NLGN1: variants seen among roughly 807,000 people sequenced by gnomAD.
NLGN1 encodes the protein neuroligin 1, also known as neuroligin-1.
Under a neutral mutation model 65.5 loss-of-function variants are expected in NLGN1, and 12 were observed. The observed-to-expected ratio is 0.18, with a 90% CI of 0.12 to 0.30. The LOEUF (loss-of-function observed/expected upper bound fraction) is 0.30. Ranked by LOEUF, NLGN1 falls within the 10% of genes least tolerant of loss-of-function variation. NLGN1 has a pLI of 1.00. For synonymous variants in NLGN1, 350 were observed against 359.5 expected (o/e 0.97, Z 0.30); for missense variants, 750 against 1,007.1 (o/e 0.74, Z 3.46).
chr3:173,502,665 C>A (rs533845654), intron 2 of NLGN1, among the ~76,000 whole-genome samples: 1 of 152,040 alleles, frequency 6.6e-6, no homozygotes, highest in African/African-American at 2.4e-5. Flanking sequence ...TTAGGTACTA[C>A]AAGACATGTA....
Position 173,697,749 on chromosome 3 carries a change from C to T in NLGN1, c.493+92658C>T, listed in dbSNP as rs181723915. ...GTCTCTGTGTTGGTCAGGCTGGTCT[C>T]GAACTCCTGACCTCAGGTGATCCAC... On this transcript the variant is annotated intron_variant, in intron 3 of 6. Coordinates refer to ENST00000457714, the Ensembl canonical transcript of NLGN1. Among the ~76,000 whole-genome samples, 46 of 152,162 alleles carry T rather than the reference C, an allele frequency of 3.0e-4. No homozygotes were observed. In the Middle Eastern group the frequency reaches 0.014, roughly 45 times the overall value.
intron 3 of NLGN1, 92 bp downstream of exon 2, chr3:173,605,183 T>C: frequency 2.9e-6 from 3 of 1,047,004 alleles, no homozygotes; most frequent in Non-Finnish European, 4.1e-6. Context: ...ACTGGTAGTA[T>C]GCATGGCTTT....
chr3:173,894,221 A>G (rs1427515514), intron 4 of NLGN1, among the ~76,000 whole-genome samples: 1 of 152,190 alleles, frequency 6.6e-6, no homozygotes, highest in Non-Finnish European at 1.5e-5. Flanking sequence ...AACATCATAT[A>G]GTTAGTGTAG....
chr3:174,037,241 C>G (rs1731337086), intron 4 of NLGN1, among the ~76,000 whole-genome samples: 1 of 152,168 alleles, frequency 6.6e-6, no homozygotes, highest in Non-Finnish European at 1.5e-5. Flanking sequence ...GTTCCTTTTC[C>G]TCTGCAACCT....
At chr3:173,464,361 A>G (rs1401933849) in intron 2 of NLGN1, among the ~76,000 whole-genome samples, 1 of 151,700 alleles carries the variant, frequency 6.6e-6, no homozygotes, top group Non-Finnish European at 1.5e-5. Context: ...AGTCTCTGCT[A>G]TTTCTTAATA....
chr3:173,606,643 C>G (rs545326042), intron 3 of NLGN1, among the ~76,000 whole-genome samples: 1 of 152,066 alleles, frequency 6.6e-6, no homozygotes, highest in Admixed American at 6.6e-5. Context: ...ATGGAAGACA[C>G]TTTATAAATA....
At chr3:173,471,751 A>G (rs1459009132) in intron 2 of NLGN1, among the ~76,000 whole-genome samples, 2 of 152,096 alleles carry the variant, frequency 1.3e-5, no homozygotes, top group East Asian at 1.9e-4. Flanking sequence ...TGTCCCTCCA[A>G]TGAAAATTGT....
intron 4 of NLGN1, among the ~76,000 whole-genome samples, chr3:173,966,970 G>GA (rs1302751444): frequency 1.3e-5 from 2 of 152,110 alleles, no homozygotes; most frequent in African/African-American, 2.4e-5. Flanking sequence ...CTAAAATCTG[G>GA]AAAAAATTCA....
intron 4 of NLGN1, among the ~76,000 whole-genome samples, chr3:173,973,550 G>T (rs777265528): frequency 1.6e-3 from 240 of 147,510 alleles, no homozygotes; most frequent in African/African-American, 5.6e-3. Context: ...AAATTATGTG[G>T]TTTTTTTTTT....
chr3:173,428,808 G>A (rs1716640203), intron 1 of NLGN1, among the ~76,000 whole-genome samples: 1 of 151,552 alleles, frequency 6.6e-6, no homozygotes, highest in Non-Finnish European at 1.5e-5. Context: ...ACTCCCTTTA[G>A]CATTTCTTAT....
chr3:174,106,568 C>A (rs1713861044), intron 4 of NLGN1, among the ~76,000 whole-genome samples: 1 of 151,826 alleles, frequency 6.6e-6, no homozygotes, highest in South Asian at 2.1e-4. Context: ...AATTATAGAT[C>A]TATATGCAAT....
chr3:173,798,584 G>T (rs1714690479), intron 3 of NLGN1, among the ~76,000 whole-genome samples: 1 of 152,032 alleles, frequency 6.6e-6, no homozygotes, highest in Non-Finnish European at 1.5e-5. Flanking sequence ...TTAAATAAAT[G>T]TACATTTCTG....
chr3:173,911,612 G>C (rs1316762483), intron 4 of NLGN1, among the ~76,000 whole-genome samples: 1 of 152,160 alleles, frequency 6.6e-6, no homozygotes, highest in Non-Finnish European at 1.5e-5. Flanking sequence ...ATTTATCATA[G>C]TGCAGTTGCG....
At chr3:173,431,886 A>G (rs1717238016) in intron 1 of NLGN1, among the ~76,000 whole-genome samples, 2 of 151,828 alleles carry the variant, frequency 1.3e-5, no homozygotes, top group Admixed American at 6.6e-5. Flanking sequence ...GCCTATTTAT[A>G]TCTTCCTCCC....
intron 2 of NLGN1, among the ~76,000 whole-genome samples, chr3:173,509,829 G>A (rs1159650693): frequency 1.3e-5 from 2 of 152,078 alleles, no homozygotes; most frequent in Non-Finnish European, 2.9e-5. Context: ...AATTTTAAAA[G>A]TATTATTGTA....
chr3:173,931,725 T>C (rs1392692409), intron 4 of NLGN1, among the ~76,000 whole-genome samples: 2 of 152,076 alleles, frequency 1.3e-5, no homozygotes, highest in Non-Finnish European at 2.9e-5. Flanking sequence ...CTAGAGAGTT[T>C]TGAGAGGAAA....
Position 173,563,854 on chromosome 3 carries a change from T to C in NLGN1, c.-320-40425T>C, listed in dbSNP as rs560891524. 7.2e-5 allele frequency among the ~76,000 whole-genome samples: 11 copies of C among 152,306 alleles called. No individual in the cohort carries two copies. The South Asian group carries it at 2.3e-3, about 32-fold the overall frequency. ...TCTTGCTCGTCTTCCTGTTTCCATC[T>C]TTGTCCCTCTACAACCAGTTTCTAC... On this transcript the variant is annotated intron_variant, in intron 2 of 6. Transcript: ENST00000457714.
intron 4 of NLGN1, among the ~76,000 whole-genome samples, chr3:173,932,506 TA>T (rs35391510): frequency 0.3 from 42,726 of 141,940 alleles, 6,875 homozygotes; most frequent in African/African-American, 0.45. Context: ...GCACATTATT[TA>T]AAAAAAAAAA....
intron 4 of NLGN1, among the ~76,000 whole-genome samples, chr3:173,878,198 C>A (rs776720466): frequency 6.6e-6 from 1 of 151,880 alleles, no homozygotes; most frequent in Non-Finnish European, 1.5e-5. Flanking sequence ...CATGCCACCA[C>A]GCCTGGCTAA....
Sources: allele counts gnomAD v4.1 joint callset (sites outside exome capture counted in the v4.1 genomes callset), GRCh38; gene constraint gnomAD v4.1.1; transcripts MANE v1.5; gene names NCBI Gene and HGNC (gene_info 2026-07-23, HGNC 2026-07-21).